RAP1GDS1: variants seen among roughly 807,000 people sequenced by gnomAD.
The protein encoded by RAP1GDS1 is RAP1, GTP-GDP dissociation stimulator 1.
Under a neutral mutation model 71.1 loss-of-function variants are expected in RAP1GDS1, and 35 were observed. That is an observed-to-expected ratio of 0.49 (90% CI 0.38 to 0.65). The LOEUF is 0.65. RAP1GDS1 is among the 30% of genes least tolerant of loss of function. RAP1GDS1 has a pLI of 0.00. For synonymous variants in RAP1GDS1, 229 were observed against 243.1 expected, an observed-to-expected ratio of 0.94 and a Z score of 0.54; for missense variants, 663 against 706.1, an observed-to-expected ratio of 0.94 and a Z score of 0.69.
At chr4:98,362,323 T>C (rs1738854079) in intron 4 of RAP1GDS1, among the ~76,000 whole-genome samples, 1 of 151,926 alleles carries the variant, frequency 6.6e-6, no homozygotes, top group Admixed American at 6.6e-5. Context: ...CTACAAAAAA[T>C]AAATTTAGCT....
At chr4:98,371,274 A>T (rs542518437) in intron 4 of RAP1GDS1, among the ~76,000 whole-genome samples, 2 of 151,138 alleles carry the variant, frequency 1.3e-5, no homozygotes, top group Non-Finnish European at 3.0e-5. Flanking sequence ...CACCATCCCC[A>T]GCTAATTTTT....
At chr4:98,266,036 A>T (rs113514991) in intron 1 of RAP1GDS1, among the ~76,000 whole-genome samples, 2,969 of 152,254 alleles carry the variant, frequency 0.02, 105 homozygotes, top group African/African-American at 0.068. Flanking sequence ...ATAGATTTTT[A>T]AAAATATTTT....
intron 6 of RAP1GDS1, 127 bp downstream of exon 6, chr4:98,392,207 GAT>G (rs1743810474): frequency 1.1e-6 from 1 of 887,960 alleles, no homozygotes; most frequent in East Asian, 2.9e-5. Flanking sequence ...AAGCATTTGA[GAT>G]ATTTCCATCA....
intron 4 of RAP1GDS1, among the ~76,000 whole-genome samples, chr4:98,361,092 A>AAG (rs1294148793): frequency 6.6e-6 from 1 of 151,652 alleles, no homozygotes; most frequent in Non-Finnish European, 1.5e-5. Flanking sequence ...AAAAAAAAAA[A>AAG]AGAGTGAATA....
intron 1 of RAP1GDS1, among the ~76,000 whole-genome samples, chr4:98,271,072 T>C (rs1185976349): frequency 6.6e-6 from 1 of 152,130 alleles, no homozygotes; most frequent in East Asian, 1.9e-4. Context: ...ATTAAGGTTT[T>C]AGGGAGTTAA....
chr4:98,270,360 A>G (rs1723282282), intron 1 of RAP1GDS1, among the ~76,000 whole-genome samples: 1 of 152,170 alleles, frequency 6.6e-6, no homozygotes. Flanking sequence ...ACTCCATATC[A>G]TTGGTATCTT....
intron 12 of RAP1GDS1, among the ~76,000 whole-genome samples, chr4:98,424,807 C>T (rs918188412): frequency 1.3e-5 from 2 of 149,574 alleles, no homozygotes; most frequent in East Asian, 2.0e-4. Context: ...TTTTGGAAAA[C>T]ATATTTGGGA....
chr4:98,287,097 A>T (rs572971172), intron 1 of RAP1GDS1, among the ~76,000 whole-genome samples: 2 of 152,246 alleles, frequency 1.3e-5, no homozygotes, highest in Admixed American at 1.3e-4. Flanking sequence ...AAAGTAATGT[A>T]GGTTTTCAGG....
intron 1 of RAP1GDS1, among the ~76,000 whole-genome samples, chr4:98,269,041 A>G (rs1193982500): frequency 6.6e-6 from 1 of 152,030 alleles, no homozygotes; most frequent in African/African-American, 2.4e-5. Flanking sequence ...ATCACACTAC[A>G]TGCTTCAAGT....
At chr4:98,424,614 A>G (rs1172265081) in intron 12 of RAP1GDS1, among the ~76,000 whole-genome samples, 1 of 152,126 alleles carries the variant, frequency 6.6e-6, no homozygotes, top group Non-Finnish European at 1.5e-5. Context: ...TGCAAAAATT[A>G]GCCAGGCATG....
At chr4:98,327,655 A>G (rs1192308078) in intron 2 of RAP1GDS1, among the ~76,000 whole-genome samples, 11 of 152,146 alleles carry the variant, frequency 7.2e-5, no homozygotes, top group Non-Finnish European at 1.5e-4. Flanking sequence ...CTCTGAAGGC[A>G]TTGATGATCA....
chr4:98,442,446 C>T lies in RAP1GDS1; in HGVS notation c.*329C>T. 4.0e-6 allele frequency: 1 copy of T among 250,332 alleles called. No individual in the cohort carries two copies. The highest frequency in any genetic ancestry group is 7.8e-6 in the Non-Finnish European group (1 of 128,970). 15.5% of individuals were successfully genotyped at this position (250,332 alleles called of 1,614,324 possible). On this transcript the variant is annotated 3_prime_UTR_variant, in exon 15 of 15. Transcript: ENST00000408927. ...TGACTTGCTCCACACATGCAGTAAA[C>T]TACATAATGATGTACTGGTAAACTA...
At chr4:98,273,847 C>T (rs948664005) in intron 1 of RAP1GDS1, among the ~76,000 whole-genome samples, 47 of 152,090 alleles carry the variant, frequency 3.1e-4, no homozygotes, top group African/African-American at 1.1e-3. Context: ...GCAGATTAAC[C>T]ACTTCCAATT....
chr4:98,339,419 G>A (rs183520184), intron 2 of RAP1GDS1, among the ~76,000 whole-genome samples: 16 of 152,288 alleles, frequency 1.1e-4, no homozygotes, highest in Non-Finnish European at 2.1e-4. Context: ...ACTGCACCTA[G>A]ATGTGAAGGA....
intron 1 of RAP1GDS1, among the ~76,000 whole-genome samples, chr4:98,289,989 G>GA (rs1252515694): frequency 6.6e-6 from 1 of 151,752 alleles, no homozygotes; most frequent in African/African-American, 2.4e-5. Flanking sequence ...AATAGATACA[G>GA]AAAAAAATTG....
rs567090870 is a variant in RAP1GDS1, at chr4:98,266,880, T to C, written c.4+5311T>C. On this transcript the variant is annotated intron_variant, in intron 1 of 14. Coordinates refer to ENST00000408927, the MANE Select transcript of RAP1GDS1 (RefSeq NM_001100427.2). ...GGTGACTTTGGGGAAATAGTGTGGA[T>C]GCTCTCCAGAAATTCCTGATTGAAC... is the stretch of plus-strand genomic sequence containing the variant. 3.9e-5 allele frequency among the ~76,000 whole-genome samples: 6 copies of C among 152,282 alleles called. No homozygotes were observed. In the South Asian group the frequency reaches 1.0e-3, roughly 26 times the overall value.
At chr4:98,413,001 A>G (rs1370246525) in intron 7 of RAP1GDS1, among the ~76,000 whole-genome samples, 4 of 152,118 alleles carry the variant, frequency 2.6e-5, no homozygotes, top group Non-Finnish European at 1.5e-5. Flanking sequence ...TATCTTGATA[A>G]ACACCTTAAA....
intron 1 of RAP1GDS1, among the ~76,000 whole-genome samples, chr4:98,278,949 G>A (rs574192343): frequency 1.4e-4 from 22 of 152,172 alleles, no homozygotes; most frequent in Middle Eastern, 3.4e-3. Context: ...TAGGCCGGGC[G>A]CGGTGGCTCA....
intron 6 of RAP1GDS1, among the ~76,000 whole-genome samples, chr4:98,399,275 G>T (rs1340380296): frequency 6.6e-6 from 1 of 152,160 alleles, no homozygotes; most frequent in Non-Finnish European, 1.5e-5. Flanking sequence ...AGTGAAAAGA[G>T]AGGCTACAGA....
Sources: gnomAD v4.1 joint callset for allele counts (sites outside exome capture counted in the v4.1 genomes callset) on GRCh38, gnomAD v4.1.1 for gene constraint, MANE v1.5 for transcripts, NCBI Gene and HGNC (gene_info 2026-07-23, HGNC 2026-07-21) for gene names.